The following CPNE4 variants were observed in gnomAD, a reference collection of about 807,000 sequenced individuals.
CPNE4 encodes copine-4.
In CPNE4, 25 loss-of-function variants were observed where a neutral mutation model predicts 67.9. The ratio of observed to expected loss-of-function variants is 0.37; its 90% confidence interval spans 0.27 to 0.51. CPNE4 has a LOEUF of 0.51. Among genes scored for constraint, CPNE4 ranks in the 20% least tolerant of loss-of-function variants. The pLI, the probability that CPNE4 is intolerant of heterozygous loss-of-function variation, is 0.93. For missense variants in CPNE4, 464 were observed against 690.8 expected (o/e 0.67, Z 3.68); for synonymous variants, 242 against 244.9 (o/e 0.99, Z 0.11).
At chr3:131,803,267 T>A (rs1159937010) in intron 2 of CPNE4, among the ~76,000 whole-genome samples, 1 of 152,178 alleles carries the variant, frequency 6.6e-6, no homozygotes, top group Non-Finnish European at 1.5e-5. Context: ...ACATGAGATG[T>A]TGCCAGTATC....
intron 1 of CPNE4, among the ~76,000 whole-genome samples, chr3:131,934,058 C>T (rs1470282899): frequency 6.6e-6 from 1 of 152,082 alleles, no homozygotes; most frequent in Non-Finnish European, 1.5e-5. Context: ...ATATATGGAG[C>T]TTCTTTTTTC....
chr3:131,801,908 A>G (rs2107914939), intron 2 of CPNE4, among the ~76,000 whole-genome samples: 1 of 151,260 alleles, frequency 6.6e-6, no homozygotes, highest in Admixed American at 6.6e-5. Context: ...AAGAATGTAG[A>G]CAGGGACACT....
intron 2 of CPNE4, among the ~76,000 whole-genome samples, chr3:131,896,133 T>C (rs1037294058): frequency 6.6e-6 from 1 of 152,082 alleles, no homozygotes; most frequent in Non-Finnish European, 1.5e-5. Context: ...AGCAAAGCTT[T>C]GAAAATTCAT....
intron 3 of CPNE4, among the ~76,000 whole-genome samples, chr3:131,700,807 T>C (rs143942318): frequency 0.12 from 18,738 of 151,964 alleles, 1,256 homozygotes; most frequent in African/African-American, 0.16. Flanking sequence ...ATGTTTATTG[T>C]GGCACTATTC....
chr3:131,780,481 G>A (rs754749776), intron 2 of CPNE4, among the ~76,000 whole-genome samples: 7 of 152,108 alleles, frequency 4.6e-5, no homozygotes, highest in Non-Finnish European at 1.0e-4. Context: ...TACACACCAT[G>A]GAATACTACA....
At chr3:131,974,956 G>A (rs952493590) in intron 1 of CPNE4, among the ~76,000 whole-genome samples, 2 of 152,008 alleles carry the variant, frequency 1.3e-5, no homozygotes, top group African/African-American at 2.4e-5. Flanking sequence ...TCCCATGAGC[G>A]GAGATTGCAC....
intron 1 of CPNE4, among the ~76,000 whole-genome samples, chr3:132,006,510 T>C (rs1255338899): frequency 6.6e-6 from 1 of 152,156 alleles, no homozygotes; most frequent in Non-Finnish European, 1.5e-5. Context: ...GTTTACAGCA[T>C]AACAAGCAAG....
intron 2 of CPNE4, among the ~76,000 whole-genome samples, chr3:131,814,444 G>T (rs1049733708): frequency 1.4e-4 from 21 of 151,984 alleles, no homozygotes; most frequent in Non-Finnish European, 2.4e-4. Flanking sequence ...AAGGGCCCAG[G>T]AAATGCGTTC....
chr3:131,878,159 T>C lies in CPNE4; in HGVS notation c.180+27105A>G, dbSNP rs530884722. On this transcript the variant is annotated intron_variant, in intron 2 of 15. Transcript: ENST00000429747. ...AAATGTATCCATATGCTCATTGAAA[T>C]GATCTACAAGAATGTTTATAGCAGA... 5.3e-4 allele frequency among the ~76,000 whole-genome samples: 80 copies of C among 152,312 alleles called. No individual in the cohort carries two copies. In the South Asian group the frequency reaches 0.016, roughly 30 times the overall value.
chr3:131,951,720 G>A (rs147303534), intron 1 of CPNE4, among the ~76,000 whole-genome samples: 3,326 of 152,282 alleles, frequency 0.022, 122 homozygotes, highest in African/African-American at 0.074. Context: ...GTGCCGCCAC[G>A]CCTGACTGGT....
intron 2 of CPNE4, among the ~76,000 whole-genome samples, chr3:131,739,503 T>G (rs2107776163): frequency 6.6e-6 from 1 of 152,356 alleles, no homozygotes; most frequent in South Asian, 2.1e-4. Flanking sequence ...GACAGTCATT[T>G]CTGTGTCTGC....
At chr3:131,731,671 T>C (rs1382392376) in intron 2 of CPNE4, among the ~76,000 whole-genome samples, 1 of 152,192 alleles carries the variant, frequency 6.6e-6, no homozygotes, top group Non-Finnish European at 1.5e-5. Context: ...GATAGAACTT[T>C]CCATGATGTT....
intron 2 of CPNE4, among the ~76,000 whole-genome samples, chr3:131,781,855 A>G (rs977314119): frequency 6.6e-6 from 1 of 152,012 alleles, no homozygotes; most frequent in Non-Finnish European, 1.5e-5. Flanking sequence ...TTTGGAGCAC[A>G]CACAAAAACC....
At chr3:131,697,605 C>CA (rs1197674044) in intron 4 of CPNE4, among the ~76,000 whole-genome samples, 2 of 152,042 alleles carry the variant, frequency 1.3e-5, no homozygotes, top group African/African-American at 4.8e-5. Context: ...CAGATAGACC[C>CA]AAAAATGTGT....
intron 2 of CPNE4, among the ~76,000 whole-genome samples, chr3:131,816,844 A>G (rs879722152): frequency 5.9e-5 from 9 of 152,178 alleles, no homozygotes; most frequent in Admixed American, 1.3e-4. Flanking sequence ...TACCTACACC[A>G]TGACCCAAGG....
chr3:131,709,620 C>T (rs974162103), intron 3 of CPNE4, among the ~76,000 whole-genome samples: 1 of 152,200 alleles, frequency 6.6e-6, no homozygotes, highest in African/African-American at 2.4e-5. Flanking sequence ...ATCTCAGAGC[C>T]AGAAGGCTCA....
intron 2 of CPNE4, among the ~76,000 whole-genome samples, chr3:131,733,926 C>T (rs561191301): frequency 1.3e-5 from 2 of 152,310 alleles, no homozygotes; most frequent in South Asian, 4.1e-4. Flanking sequence ...CTGACATGCT[C>T]AGCAGCCAGC....
intron 2 of CPNE4, among the ~76,000 whole-genome samples, chr3:131,867,423 G>A (rs191076038): frequency 9.1e-4 from 138 of 152,212 alleles, no homozygotes; most frequent in African/African-American, 3.2e-3. Flanking sequence ...TAGCCAAAGA[G>A]TGGCCAATAT....
intron 2 of CPNE4, among the ~76,000 whole-genome samples, chr3:131,845,420 C>A (rs1456522967): frequency 1.3e-5 from 2 of 152,168 alleles, no homozygotes; most frequent in African/African-American, 4.8e-5. Flanking sequence ...GTCTCTGATA[C>A]CAGAGTTTTT....
Sources: gnomAD v4.1 joint callset for allele counts (sites outside exome capture counted in the v4.1 genomes callset) on GRCh38, gnomAD v4.1.1 for gene constraint, MANE v1.5 for transcripts, NCBI Gene and HGNC (gene_info 2026-07-23, HGNC 2026-07-21) for gene names.